CHST11: variants seen among roughly 807,000 people sequenced by gnomAD.
CHST11 encodes carbohydrate sulfotransferase 11.
Under a neutral mutation model 30.4 loss-of-function variants are expected in CHST11, and 9 were observed. The observed-to-expected ratio is 0.30, with a 90% CI of 0.18 to 0.52. CHST11 has a LOEUF of 0.52. CHST11 is among the 20% of genes least tolerant of loss of function. CHST11 has a pLI of 0.97. For missense variants in CHST11, 348 were observed against 460.6 expected (o/e 0.76, Z 2.24); for synonymous variants, 152 against 187.8 (o/e 0.81, Z 1.56).
intron 2 of CHST11, among the ~76,000 whole-genome samples, chr12:104,665,551 G>T (rs1408573427): frequency 6.6e-6 from 1 of 152,030 alleles, no homozygotes; most frequent in Non-Finnish European, 1.5e-5. Flanking sequence ...ACTACTCACA[G>T]GGCGGTTCTG....
At chr12:104,686,390 G>A (rs2039846905) in intron 2 of CHST11, among the ~76,000 whole-genome samples, 1 of 152,164 alleles carries the variant, frequency 6.6e-6, no homozygotes, top group Admixed American at 6.5e-5. Context: ...AGAGTCCTCT[G>A]CTCACTCAGG....
At chr12:104,592,214 G>C (rs1484709913) in intron 1 of CHST11, among the ~76,000 whole-genome samples, 3 of 151,628 alleles carry the variant, frequency 2.0e-5, no homozygotes, top group East Asian at 2.0e-4. Context: ...TGGGTGGGCA[G>C]CATACCCCAC....
intron 2 of CHST11, among the ~76,000 whole-genome samples, chr12:104,673,879 G>A (rs183415083): frequency 2.6e-4 from 40 of 152,298 alleles, no homozygotes; most frequent in East Asian, 5.8e-4. Context: ...ATCAATCCAC[G>A]TTGGCTGAGC....
At chr12:104,652,114 A>G (rs1316169964) in intron 2 of CHST11, among the ~76,000 whole-genome samples, 1 of 152,172 alleles carries the variant, frequency 6.6e-6, no homozygotes, top group East Asian at 1.9e-4. Context: ...TCGCCGCTCC[A>G]TGCCACGTTC....
At chr12:104,637,620 C>A (rs966382966) in intron 2 of CHST11, among the ~76,000 whole-genome samples, 2 of 152,154 alleles carry the variant, frequency 1.3e-5, no homozygotes, top group South Asian at 2.1e-4. Context: ...TCTCTAACAA[C>A]GTCCATGAGG....
intron 2 of CHST11, among the ~76,000 whole-genome samples, chr12:104,660,138 C>T (rs771797851): frequency 5.9e-5 from 9 of 152,216 alleles, no homozygotes; most frequent in Non-Finnish European, 1.2e-4. Context: ...TTTTGCTTAT[C>T]GCTGTATCCC....
At chr12:104,587,321 G>A (rs1057437448) in intron 1 of CHST11, among the ~76,000 whole-genome samples, 4 of 152,116 alleles carry the variant, frequency 2.6e-5, no homozygotes, top group African/African-American at 9.7e-5. Context: ...AATTTAAATT[G>A]CATCTAAAAT....
At chr12:104,698,420 T>A (rs2039965434) in intron 2 of CHST11, among the ~76,000 whole-genome samples, 1 of 152,172 alleles carries the variant, frequency 6.6e-6, no homozygotes, top group African/African-American at 2.4e-5. Context: ...CCCAGGGAGC[T>A]TTCCTCGGGC....
chr12:104,660,742 T>A (rs1194622877), intron 2 of CHST11, among the ~76,000 whole-genome samples: 1 of 152,168 alleles, frequency 6.6e-6, no homozygotes, highest in East Asian at 1.9e-4. Context: ...GGGGTGCGTA[T>A]CTGCCATTCC....
intron 1 of CHST11, among the ~76,000 whole-genome samples, chr12:104,506,174 T>C (rs775748723): frequency 3.9e-5 from 6 of 152,300 alleles, no homozygotes; most frequent in Non-Finnish European, 5.9e-5. Context: ...TTAGGGACCA[T>C]AGAGAAGGAT....
chr12:104,718,913 C>A lies in CHST11; in HGVS notation c.205-38036C>A, dbSNP rs2003408. On this transcript the variant is annotated intron_variant, in intron 2 of 2. Coordinates refer to ENST00000303694, the MANE Select transcript of CHST11 (RefSeq NM_018413.6). ...TTCTTGAGGAGCAAGGCAGAAGTTA[C>A]TGAAGGCTTGAACAGTAAATTGCAG... 3.6e-3 allele frequency among the ~76,000 whole-genome samples: 543 copies of A among 152,336 alleles called. 7 individuals are homozygous for A. Among genetic ancestry groups the A allele is most frequent in the African/African-American group, 0.013 (525 of 41,580 alleles).
chr12:104,675,381 A>G (rs1186168705), intron 2 of CHST11, among the ~76,000 whole-genome samples: 2 of 152,216 alleles, frequency 1.3e-5, no homozygotes, highest in Non-Finnish European at 2.9e-5. Flanking sequence ...AATTGCTTCA[A>G]CCGTAGATTT....
At chr12:104,568,136 G>T (rs1004652969) in intron 1 of CHST11, among the ~76,000 whole-genome samples, 3 of 152,212 alleles carry the variant, frequency 2.0e-5, no homozygotes, top group African/African-American at 7.2e-5. Flanking sequence ...GGAGTCAGAG[G>T]TTGGGCTGGG....
At chr12:104,579,706 A>G (rs2038721022) in intron 1 of CHST11, among the ~76,000 whole-genome samples, 1 of 152,198 alleles carries the variant, frequency 6.6e-6, no homozygotes. Context: ...AGGGGAGGGC[A>G]CATCCACACA....
intron 2 of CHST11, among the ~76,000 whole-genome samples, chr12:104,628,089 C>T (rs568714614): frequency 1.4e-4 from 21 of 152,302 alleles, no homozygotes; most frequent in South Asian, 4.1e-4. Context: ...TCCCCTTCCC[C>T]GCTGCCTGGC....
intron 1 of CHST11, among the ~76,000 whole-genome samples, chr12:104,582,760 G>A (rs2038759515): frequency 6.6e-6 from 1 of 151,870 alleles, no homozygotes; most frequent in South Asian, 2.1e-4. Context: ...AGTGAGGAAG[G>A]GAGGGTTATA....
intron 2 of CHST11, among the ~76,000 whole-genome samples, chr12:104,683,518 A>C (rs1317260747): frequency 6.6e-6 from 1 of 152,154 alleles, no homozygotes; most frequent in African/African-American, 2.4e-5. Context: ...GGTTGGGAGC[A>C]ACTTTGTGGG....
chr12:104,614,567 T>C (rs2039089726), intron 2 of CHST11, among the ~76,000 whole-genome samples: 1 of 152,172 alleles, frequency 6.6e-6, no homozygotes, highest in South Asian at 2.1e-4. Flanking sequence ...TATAAAATGA[T>C]GTCCTATATG....
chr12:104,631,888 C>T (rs942492726), intron 2 of CHST11, among the ~76,000 whole-genome samples: 3 of 152,184 alleles, frequency 2.0e-5, no homozygotes, highest in African/African-American at 7.2e-5. Context: ...CCCAACTTTC[C>T]CGGGAGCTCC....
Sources: allele counts gnomAD v4.1 joint callset (sites outside exome capture counted in the v4.1 genomes callset), GRCh38; gene constraint gnomAD v4.1.1; transcripts MANE v1.5; gene names NCBI Gene and HGNC (gene_info 2026-07-23, HGNC 2026-07-21).